Variants in HPSE2 observed in about 807,000 individuals in gnomAD.
The protein encoded by HPSE2 is heparanase 2 (inactive).
A neutral mutation model predicts 60.5 loss-of-function variants in HPSE2; 38 were observed. The observed-to-expected ratio is 0.63, with a 90% CI of 0.48 to 0.82. The LOEUF (loss-of-function observed/expected upper bound fraction) is 0.82. Ranked by LOEUF, HPSE2 falls within the 40% of genes least tolerant of loss-of-function variation. The pLI is 0.00. For missense variants in HPSE2, 713 were observed against 740.4 expected, an observed-to-expected ratio of 0.96 and a Z score of 0.43; for synonymous variants, 295 against 293.2, an observed-to-expected ratio of 1.01 and a Z score of -0.06.
chr10:99,088,730 T>C lies in HPSE2; in HGVS notation c.610+55508A>G, dbSNP rs184578524. 1.8e-3 allele frequency among the ~76,000 whole-genome samples: 275 copies of C among 152,328 alleles called. 1 individual carries two copies. The highest frequency in any genetic ancestry group is 6.5e-3 in the African/African-American group (271 of 41,570). On this transcript the variant is annotated intron_variant, in intron 3 of 11. Coordinates refer to ENST00000370552, the MANE Select transcript of HPSE2 (RefSeq NM_021828.5). ...TCTGGGTAGATACCCAGGAGTGGGATTGCTGGATCAAATGGTAGATCTACT... is the reference window on the plus strand; with the variant it reads ...TCTGGGTAGATACCCAGGAGTGGGACTGCTGGATCAAATGGTAGATCTACT...
intron 9 of HPSE2, among the ~76,000 whole-genome samples, chr10:98,562,631 C>T (rs570552088): frequency 4.1e-5 from 6 of 146,858 alleles, no homozygotes; most frequent in Admixed American, 2.8e-4. Context: ...AGGAGAAGGG[C>T]GTGAACCCGG....
chr10:98,740,825 C>T (rs1949478233), intron 4 of HPSE2, among the ~76,000 whole-genome samples: 1 of 152,056 alleles, frequency 6.6e-6, no homozygotes, highest in South Asian at 2.1e-4. Context: ...GATAAGGTTA[C>T]AAAGCAGAAA....
intron 4 of HPSE2, among the ~76,000 whole-genome samples, chr10:98,734,832 T>C (rs1949309516): frequency 6.6e-6 from 1 of 151,956 alleles, no homozygotes. Context: ...AGAGCAATTT[T>C]AGGTTTACAG....
At chr10:98,950,017 G>C (rs1955307602) in intron 3 of HPSE2, among the ~76,000 whole-genome samples, 1 of 152,154 alleles carries the variant, frequency 6.6e-6, no homozygotes, top group Non-Finnish European at 1.5e-5. Flanking sequence ...TTCAGGAACA[G>C]CTGATTCCAT....
chr10:98,690,419 T>C (rs142842835), intron 6 of HPSE2, among the ~76,000 whole-genome samples: 53,481 of 151,748 alleles, frequency 0.35, 9,616 homozygotes, highest in Admixed American at 0.41. Flanking sequence ...TGGGTACCTG[T>C]AGTCCCAGCT....
intron 2 of HPSE2, among the ~76,000 whole-genome samples, chr10:99,150,022 T>C (rs1451905862): frequency 6.6e-6 from 1 of 152,050 alleles, no homozygotes; most frequent in East Asian, 1.9e-4. Flanking sequence ...TATGAAGCTA[T>C]CCATACTCCT....
intron 7 of HPSE2, among the ~76,000 whole-genome samples, chr10:98,628,075 T>C (rs1946264722): frequency 6.6e-6 from 1 of 152,212 alleles, no homozygotes; most frequent in Non-Finnish European, 1.5e-5. Flanking sequence ...GAAATGTTTT[T>C]TGGGGAAATA....
In HPSE2 at chr10:99,223,692, G is replaced by A. The variant is rs1849384647; in HGVS notation, c.448+8656C>T. ...GGTGGTTATATCTATATTGGTTTTT[G>A]TATGTGTAACAATAGCAGTGTATTT... On this transcript the variant is annotated intron_variant, in intron 2 of 11. Transcript: ENST00000370552. 2.0e-5 allele frequency among the ~76,000 whole-genome samples: 3 copies of A among 152,278 alleles called. No homozygotes were observed. The South Asian group carries it at 6.2e-4, about 32-fold the overall frequency.
At chr10:98,639,507 G>T (rs17110455) in intron 7 of HPSE2, among the ~76,000 whole-genome samples, 8,421 of 152,126 alleles carry the variant, frequency 0.055, 354 homozygotes, top group East Asian at 0.11. Flanking sequence ...CATCTCTCAG[G>T]GGCTCTACTG....
intron 3 of HPSE2, among the ~76,000 whole-genome samples, chr10:99,123,677 TG>T (rs1189220389): frequency 1.3e-5 from 2 of 152,204 alleles, no homozygotes; most frequent in Middle Eastern, 3.2e-3. Flanking sequence ...GTTGCTTTAT[TG>T]AGTGACTATA....
intron 3 of HPSE2, among the ~76,000 whole-genome samples, chr10:98,919,269 A>C (rs1441481957): frequency 6.6e-5 from 10 of 152,184 alleles, no homozygotes; most frequent in Non-Finnish European, 1.5e-4. Flanking sequence ...GTTCCATAGC[A>C]CTGGACTAGA....
At chr10:98,947,903 T>C (rs1285088588) in intron 3 of HPSE2, among the ~76,000 whole-genome samples, 1 of 152,132 alleles carries the variant, frequency 6.6e-6, no homozygotes, top group African/African-American at 2.4e-5. Flanking sequence ...CTTTTAAAGT[T>C]CTTTTGATAT....
intron 5 of HPSE2, among the ~76,000 whole-genome samples, chr10:98,719,701 T>TAAA (rs562725586): frequency 2.1e-4 from 23 of 107,240 alleles, no homozygotes; most frequent in South Asian, 3.1e-4. Context: ...GATGTTGCAT[T>TAAA]AAAAAAAAAA....
At chr10:99,296,401 G>A in the HPSE2 span, among the ~76,000 whole-genome samples, 1 of 152,300 alleles carries the variant, frequency 6.6e-6, no homozygotes, top group South Asian at 2.1e-4. Context: ...TGAACACAGA[G>A]TTACTGCCCC....
At chr10:98,935,823 G>A (rs900242772) in intron 3 of HPSE2, among the ~76,000 whole-genome samples, 1 of 145,024 alleles carries the variant, frequency 6.9e-6, no homozygotes, top group African/African-American at 2.8e-5. Context: ...CTGTGCTGGG[G>A]GAAATCCCCC....
chr10:98,920,320 A>G (rs1954245533), intron 3 of HPSE2, among the ~76,000 whole-genome samples: 1 of 152,084 alleles, frequency 6.6e-6, no homozygotes, highest in African/African-American at 2.4e-5. Flanking sequence ...CATAGATATC[A>G]GACCTGCATC....
intron 3 of HPSE2, among the ~76,000 whole-genome samples, chr10:99,083,966 CTTTTTTT>C (rs34799799): frequency 3.9e-4 from 31 of 79,762 alleles, no homozygotes; most frequent in African/African-American, 1.5e-3. Flanking sequence ...GTGTGAAAGC[CTTTTTTT>C]TTTTTTTTTT....
At chr10:99,150,148 G>A (rs1182470820) in intron 2 of HPSE2, among the ~76,000 whole-genome samples, 2 of 152,120 alleles carry the variant, frequency 1.3e-5, no homozygotes, top group African/African-American at 2.4e-5. Flanking sequence ...CAAAGTTGAT[G>A]CACTAGAATC....
At chr10:99,211,653 C>A (rs1185112094) in intron 2 of HPSE2, among the ~76,000 whole-genome samples, 1 of 152,088 alleles carries the variant, frequency 6.6e-6, no homozygotes, top group Non-Finnish European at 1.5e-5. Flanking sequence ...AACTGGATAT[C>A]CACATGCAGA....
Sources: gnomAD v4.1 joint callset for allele counts (sites outside exome capture counted in the v4.1 genomes callset) on GRCh38, gnomAD v4.1.1 for gene constraint, MANE v1.5 for transcripts, NCBI Gene and HGNC (gene_info 2026-07-23, HGNC 2026-07-21) for gene names.